The following SAMD12 variants were observed in gnomAD, a reference collection of about 807,000 sequenced individuals.
SAMD12 encodes the protein sterile alpha motif domain containing 12, also known as sterile alpha motif domain-containing protein 12.
In SAMD12, 9 loss-of-function variants were observed where a neutral mutation model predicts 15.0. The ratio of observed to expected loss-of-function variants is 0.60; its 90% CI spans 0.36 to 1.05. The LOEUF is 1.05. Ranked by LOEUF, SAMD12 falls within the 50% of genes least tolerant of loss-of-function variation. The pLI, the probability that SAMD12 is intolerant of heterozygous loss-of-function variation, is 0.01. For synonymous variants in SAMD12, 86 were observed against 90.1 expected (o/e 0.96, Z 0.25); for missense variants, 230 against 234.2 (o/e 0.98, Z 0.12).
At chr8:118,207,433 C>T (rs1586342918) in intron 4 of SAMD12, among the ~76,000 whole-genome samples, 1 of 152,236 alleles carries the variant, frequency 6.6e-6, no homozygotes, top group East Asian at 1.9e-4. Flanking sequence ...ATTCTGACAG[C>T]CAGCTAAAAG....
chr8:118,458,611 T>A (rs1280821641), intron 2 of SAMD12, among the ~76,000 whole-genome samples: 2 of 152,220 alleles, frequency 1.3e-5, no homozygotes, highest in African/African-American at 4.8e-5. Flanking sequence ...TGTTCCTCCA[T>A]TACATTATTT....
Position 118,621,901 on chromosome 8 carries a change from C to A in SAMD12, c.-85G>T, listed in dbSNP as rs767058018. On this transcript the variant is annotated 5_prime_UTR_variant, in exon 1 of 4. Transcript: ENST00000314727. ...CGCGCTCCCCCCTTCCTCTCGCTTTCGCCTAAATATTCTGCGCTTATCTGC... is the reference window on the plus strand; with the variant it reads ...CGCGCTCCCCCCTTCCTCTCGCTTTAGCCTAAATATTCTGCGCTTATCTGC... 1 of 1,468,166 alleles carries A rather than the reference C, an allele frequency of 6.8e-7. No individual in the cohort carries two copies. The highest frequency in any genetic ancestry group is 9.6e-7 in the Non-Finnish European group (1 of 1,047,010). 90.9% of individuals were successfully genotyped at this position (1,468,166 alleles called of 1,614,324 possible).
intron 4 of SAMD12, among the ~76,000 whole-genome samples, chr8:118,283,003 T>C (rs901982128): frequency 2.3e-4 from 35 of 152,302 alleles, no homozygotes; most frequent in African/African-American, 7.7e-4. Flanking sequence ...AAAATTCCGA[T>C]GGGCCTAGAC....
chr8:118,472,106 T>G (rs1563880929), intron 2 of SAMD12, among the ~76,000 whole-genome samples: 1 of 151,766 alleles, frequency 6.6e-6, no homozygotes, highest in Admixed American at 6.6e-5. Flanking sequence ...GCTAACACGG[T>G]GAAACCCTGT....
intron 3 of SAMD12, among the ~76,000 whole-genome samples, chr8:118,434,514 A>G (rs1380997148): frequency 6.6e-6 from 1 of 152,180 alleles, no homozygotes; most frequent in African/African-American, 2.4e-5. Context: ...TCACAGATAG[A>G]GGATTTGAAG....
chr8:118,363,489 T>C (rs1334112944), intron 4 of SAMD12, among the ~76,000 whole-genome samples: 7 of 152,178 alleles, frequency 4.6e-5, no homozygotes, highest in South Asian at 4.1e-4. Context: ...GGTTTTTTTT[T>C]CCTGTCTTTA....
chr8:118,328,343 C>T (rs564820223), intron 4 of SAMD12, among the ~76,000 whole-genome samples: 8 of 152,306 alleles, frequency 5.3e-5, no homozygotes, highest in African/African-American at 1.9e-4. Context: ...CTGCTATTCT[C>T]CCTGCTTCTC....
the SAMD12 span, among the ~76,000 whole-genome samples, chr8:118,152,097 A>G: frequency 6.6e-6 from 1 of 152,310 alleles, no homozygotes; most frequent in South Asian, 2.1e-4. Context: ...ATAACAAAGT[A>G]GAAAAGGGTT....
At chr8:118,495,784 T>C (rs558530656) in intron 2 of SAMD12, among the ~76,000 whole-genome samples, 11 of 152,290 alleles carry the variant, frequency 7.2e-5, no homozygotes, top group Non-Finnish European at 1.0e-4. Flanking sequence ...CTGCCACATT[T>C]AGGTGCTCAT....
chr8:118,358,152 CAA>C (rs76694451), intron 4 of SAMD12, among the ~76,000 whole-genome samples: 27,635 of 151,932 alleles, frequency 0.18, 2,701 homozygotes, highest in South Asian at 0.25. Flanking sequence ...CTTCTGAAAA[CAA>C]AACAAAACAA....
chr8:118,295,266 C>T (rs1563741188), intron 4 of SAMD12, among the ~76,000 whole-genome samples: 1 of 152,114 alleles, frequency 6.6e-6, no homozygotes, highest in African/African-American at 2.4e-5. Context: ...TATTTTTATG[C>T]ATTTATTTAA....
intron 2 of SAMD12, among the ~76,000 whole-genome samples, chr8:118,536,875 T>G (rs1825860109): frequency 6.6e-6 from 1 of 152,250 alleles, no homozygotes; most frequent in African/African-American, 2.4e-5. Flanking sequence ...TTTTGTATCT[T>G]CAGACGATTT....
At chr8:118,303,432 T>C (rs1815152260) in intron 4 of SAMD12, among the ~76,000 whole-genome samples, 1 of 152,148 alleles carries the variant, frequency 6.6e-6, no homozygotes, top group African/African-American at 2.4e-5. Context: ...CCAAATACTG[T>C]ATGGTTTCAT....
At chr8:118,236,961 C>A (rs1812449094) in intron 4 of SAMD12, among the ~76,000 whole-genome samples, 1 of 152,204 alleles carries the variant, frequency 6.6e-6, no homozygotes, top group Non-Finnish European at 1.5e-5. Context: ...TGGCACAAGA[C>A]TGACCCCATG....
intron 3 of SAMD12, among the ~76,000 whole-genome samples, chr8:118,385,473 G>A (rs994648954): frequency 1.3e-5 from 2 of 152,024 alleles, no homozygotes; most frequent in African/African-American, 2.4e-5. Context: ...ACTCCAACTG[G>A]GACACTGGTT....
chr8:118,486,588 A>C (rs1273781954), intron 2 of SAMD12, among the ~76,000 whole-genome samples: 2 of 152,180 alleles, frequency 1.3e-5, no homozygotes, highest in East Asian at 3.9e-4. Context: ...CAGAGCCTCC[A>C]GAAAGGAAAG....
At chr8:118,405,018 A>T (rs972758174) in intron 3 of SAMD12, among the ~76,000 whole-genome samples, 2 of 152,126 alleles carry the variant, frequency 1.3e-5, no homozygotes, top group Non-Finnish European at 1.5e-5. Flanking sequence ...CATTCATCTT[A>T]AAACTGTCTT....
At chr8:118,532,266 C>G (rs1825710406) in intron 2 of SAMD12, among the ~76,000 whole-genome samples, 1 of 152,160 alleles carries the variant, frequency 6.6e-6, no homozygotes, top group Admixed American at 6.5e-5. Context: ...TTGAATCAGC[C>G]TTGCATCCCA....
the SAMD12 span, among the ~76,000 whole-genome samples, chr8:118,176,814 A>T: frequency 6.6e-6 from 1 of 152,238 alleles, no homozygotes; most frequent in Non-Finnish European, 1.5e-5. Flanking sequence ...AATTAAAAAA[A>T]AACCACTATT....
Sources: gnomAD v4.1 joint callset for allele counts (sites outside exome capture counted in the v4.1 genomes callset) on GRCh38, gnomAD v4.1.1 for gene constraint, MANE v1.5 for transcripts, NCBI Gene and HGNC (gene_info 2026-07-23, HGNC 2026-07-21) for gene names.